NRG1: variants seen among roughly 807,000 people sequenced by gnomAD.
NRG1 encodes pro-neuregulin-1, membrane-bound isoform.
Under a neutral mutation model 63.8 loss-of-function variants are expected in NRG1, and 18 were observed. That is an observed-to-expected ratio of 0.28 (90% CI 0.19 to 0.42). The LOEUF is 0.42. NRG1 is among the 10% of genes least tolerant of loss of function. The pLI is 1.00. For synonymous variants in NRG1, 302 were observed against 301.3 expected, an observed-to-expected ratio of 1.00 and a Z score of -0.02; for missense variants, 762 against 814.7, an observed-to-expected ratio of 0.94 and a Z score of 0.79.
At chr8:32,124,115 A>C (rs922173457) in intron 1 of NRG1, among the ~76,000 whole-genome samples, 1 of 151,992 alleles carries the variant, frequency 6.6e-6, no homozygotes, top group Non-Finnish European at 1.5e-5. Flanking sequence ...TGCATAAATG[A>C]CATGTGACAA....
At chr8:31,847,364 C>G (rs1826787173) in intron 1 of NRG1, among the ~76,000 whole-genome samples, 1 of 151,744 alleles carries the variant, frequency 6.6e-6, no homozygotes, top group Non-Finnish European at 1.5e-5. Context: ...TTAATCTACA[C>G]TTCCATTCAT....
At chr8:32,418,458 G>A (rs1455836957) in intron 1 of NRG1, among the ~76,000 whole-genome samples, 2 of 151,474 alleles carry the variant, frequency 1.3e-5, no homozygotes, top group African/African-American at 4.8e-5. Flanking sequence ...ATATCAATTA[G>A]ATATTTTACA....
intron 1 of NRG1, among the ~76,000 whole-genome samples, chr8:32,198,553 G>A (rs1843191388): frequency 6.6e-6 from 1 of 152,298 alleles, no homozygotes; most frequent in East Asian, 1.9e-4. Context: ...GCTAGAAAAT[G>A]ACATGTTTTC....
At chr8:32,700,958 G>T (rs1814707510) in intron 5 of NRG1, among the ~76,000 whole-genome samples, 1 of 151,962 alleles carries the variant, frequency 6.6e-6, no homozygotes, top group Non-Finnish European at 1.5e-5. Flanking sequence ...TTCAAGCAAG[G>T]CCTCTCCTCT....
intron 1 of NRG1, among the ~76,000 whole-genome samples, chr8:32,313,704 A>G (rs1289449973): frequency 6.6e-6 from 1 of 152,182 alleles, no homozygotes; most frequent in Non-Finnish European, 1.5e-5. Flanking sequence ...ACACACATAT[A>G]TATTTCTGAT....
intron 1 of NRG1, among the ~76,000 whole-genome samples, chr8:31,681,117 G>A (rs1351827325): frequency 6.6e-6 from 1 of 151,618 alleles, no homozygotes; most frequent in Non-Finnish European, 1.5e-5. Flanking sequence ...TTAACTAAGT[G>A]GAGAAAAAAA....
At chr8:32,200,185 A>G (rs960252153) in intron 1 of NRG1, among the ~76,000 whole-genome samples, 1 of 152,132 alleles carries the variant, frequency 6.6e-6, no homozygotes, top group Admixed American at 6.6e-5. Context: ...GGGGATTCCT[A>G]TGAGTTTGAC....
chr8:32,124,698 T>G (rs1833873447), intron 1 of NRG1, among the ~76,000 whole-genome samples: 1 of 151,768 alleles, frequency 6.6e-6, no homozygotes, highest in African/African-American at 2.4e-5. Context: ...ATGTCCCCCA[T>G]CCTATTAGCT....
At chr8:32,120,149 T>A (rs1411745623) in intron 1 of NRG1, among the ~76,000 whole-genome samples, 1 of 152,126 alleles carries the variant, frequency 6.6e-6, no homozygotes, top group African/African-American at 2.4e-5. Context: ...CAATTTGTGC[T>A]TATTCTAGTT....
intron 1 of NRG1, among the ~76,000 whole-genome samples, chr8:31,774,071 G>A (rs968068166): frequency 5.9e-5 from 9 of 151,862 alleles, no homozygotes; most frequent in Admixed American, 1.3e-4. Flanking sequence ...TGGCTCACAG[G>A]AACCAAGTGT....
chr8:31,665,414 G>T (rs535000684), intron 1 of NRG1, among the ~76,000 whole-genome samples: 1 of 152,136 alleles, frequency 6.6e-6, no homozygotes, highest in African/African-American at 2.4e-5. Flanking sequence ...TTTTGGTAAG[G>T]GTACAGGTCA....
intron 10 of NRG1, 22 bp from the exon 11 acceptor site, chr8:32,760,178 G>T (rs1830435981): frequency 6.2e-7 from 1 of 1,612,740 alleles, no homozygotes; most frequent in South Asian, 1.1e-5. Context: ...ATATCTGATT[G>T]TCTCTCCCAT....
At chr8:32,150,966 G>T (rs772501538) in intron 1 of NRG1, among the ~76,000 whole-genome samples, 3 of 152,148 alleles carry the variant, frequency 2.0e-5, no homozygotes, top group Non-Finnish European at 4.4e-5. Flanking sequence ...GGTAAGATAT[G>T]TTGTGTTATC....
chr8:31,924,346 A>T (rs2129619325), intron 1 of NRG1, among the ~76,000 whole-genome samples: 1 of 48,238 alleles, frequency 2.1e-5, no homozygotes, highest in Middle Eastern at 0.011. Flanking sequence ...GGGAGACTCC[A>T]TCTCAAAAAA....
rs571048113 is a variant in NRG1, at chr8:32,048,830, G to A, written c.37+409399G>A. Among the ~76,000 whole-genome samples the A allele has an allele frequency of 1.6e-3, 245 of 151,888 alleles. 3 individuals carry two copies. The Middle Eastern group carries it at 0.017, about 11-fold the overall frequency. On this transcript the variant is annotated intron_variant, in intron 1 of 10. Coordinates refer to the NRG1 transcript ENST00000519301. ...TTAATCGGGTTGTTTTGTTGCTGTT[G>A]AGTTGTTTGAGTTCCTTATATATTT...
At chr8:32,024,656 C>T (rs550926624) in intron 1 of NRG1, among the ~76,000 whole-genome samples, 510 of 152,238 alleles carry the variant, frequency 3.4e-3, no homozygotes, top group Non-Finnish European at 6.3e-3. Flanking sequence ...AGCCAGAAAG[C>T]TGGAATCAAA....
intron 5 of NRG1, among the ~76,000 whole-genome samples, chr8:32,649,155 A>G (rs948904353): frequency 6.9e-6 from 1 of 144,550 alleles, no homozygotes; most frequent in African/African-American, 2.6e-5. Context: ...TTAGTGAGGT[A>G]CATCTTTTTT....
At chr8:31,695,448 G>A (rs1809962724) in intron 1 of NRG1, among the ~76,000 whole-genome samples, 1 of 152,164 alleles carries the variant, frequency 6.6e-6, no homozygotes, top group Non-Finnish European at 1.5e-5. Flanking sequence ...GGGATTGCAA[G>A]CGTGAGCCAC....
chr8:32,384,042 C>T (rs1810685931), intron 1 of NRG1, among the ~76,000 whole-genome samples: 1 of 152,030 alleles, frequency 6.6e-6, no homozygotes. Context: ...TAAGATCAGA[C>T]TAGGCAACAT....
Sources: gnomAD v4.1 joint callset for allele counts (sites outside exome capture counted in the v4.1 genomes callset) on GRCh38, gnomAD v4.1.1 for gene constraint, MANE v1.5 for transcripts, NCBI Gene and HGNC (gene_info 2026-07-23, HGNC 2026-07-21) for gene names.